The following ACVR1 variants were observed in gnomAD, a reference collection of about 807,000 sequenced individuals.
ACVR1 encodes the protein activin receptor type-1.
In ACVR1, 38 loss-of-function variants were observed where a neutral mutation model predicts 57.1. That is an observed-to-expected ratio of 0.67 (90% confidence interval 0.51 to 0.87). The LOEUF is 0.87. Among genes scored for constraint, ACVR1 ranks in the 40% least tolerant of loss-of-function variants. The pLI is 0.00. For missense variants in ACVR1, 463 were observed against 638.2 expected (o/e 0.73, Z 2.96); for synonymous variants, 212 against 228.1 (o/e 0.93, Z 0.63).
chr2:157,738,179 G>A (rs929477285), intron 10 of ACVR1, among the ~76,000 whole-genome samples: 7 of 152,142 alleles, frequency 4.6e-5, no homozygotes, highest in Non-Finnish European at 1.0e-4. Flanking sequence ...TGAGTCTCCC[G>A]ATTCCTGAAG....
chr2:157,777,885 G>C (rs921338031), intron 5 of ACVR1, among the ~76,000 whole-genome samples: 8 of 152,150 alleles, frequency 5.3e-5, no homozygotes, highest in African/African-American at 1.9e-4. Flanking sequence ...TCAGAGAAAA[G>C]TAACTAACTA....
chr2:157,776,723 T>A (rs2105275670), intron 5 of ACVR1, among the ~76,000 whole-genome samples: 1 of 152,314 alleles, frequency 6.6e-6, no homozygotes, highest in African/African-American at 2.4e-5. Flanking sequence ...ATTGTCCAGG[T>A]GTAGCATCTG....
At chr2:157,861,811 T>C (rs1558853130) in intron 1 of ACVR1, among the ~76,000 whole-genome samples, 1 of 152,240 alleles carries the variant, frequency 6.6e-6, no homozygotes, top group African/African-American at 2.4e-5. Context: ...TACACACTTG[T>C]AGCAGATCTA....
chr2:157,854,873 C>A (rs1050111490), intron 1 of ACVR1, among the ~76,000 whole-genome samples: 1 of 151,530 alleles, frequency 6.6e-6, no homozygotes, highest in South Asian at 2.1e-4. Context: ...ACCCCAACTC[C>A]ACTAAAAATA....
intron 1 of ACVR1, among the ~76,000 whole-genome samples, chr2:157,834,625 C>A (rs528718170): frequency 1.2e-4 from 19 of 152,050 alleles, no homozygotes; most frequent in Non-Finnish European, 2.4e-4. Flanking sequence ...AGTATGAATT[C>A]ATGCAGATGT....
chr2:157,828,115 G>A (rs1688453329), intron 1 of ACVR1, among the ~76,000 whole-genome samples: 1 of 151,908 alleles, frequency 6.6e-6, no homozygotes, highest in Admixed American at 6.5e-5. Context: ...TTGAGCCCAG[G>A]AATTTTCTGG....
chr2:157,859,517 C>A (rs1300067162), intron 1 of ACVR1, among the ~76,000 whole-genome samples: 1 of 152,154 alleles, frequency 6.6e-6, no homozygotes, highest in East Asian at 1.9e-4. Flanking sequence ...CCAATTTTTT[C>A]TTGCGCGAGT....
At chr2:157,757,045 A>T (rs11898912) in intron 9 of ACVR1, among the ~76,000 whole-genome samples, 15,550 of 98,026 alleles carry the variant, frequency 0.16, 1,389 homozygotes, top group African/African-American at 0.38. Context: ...TATATATATA[A>T]AATAGAATAC....
chr2:157,777,799 TAG>T (rs1408241955), intron 5 of ACVR1, among the ~76,000 whole-genome samples: 1 of 152,188 alleles, frequency 6.6e-6, no homozygotes, highest in Non-Finnish European at 1.5e-5. Context: ...TGGCTAAAAA[TAG>T]AGTAACTGAA....
intron 1 of ACVR1, among the ~76,000 whole-genome samples, chr2:157,841,423 G>C (rs1688970159): frequency 6.6e-6 from 1 of 152,218 alleles, no homozygotes; most frequent in African/African-American, 2.4e-5. Flanking sequence ...AGGAGCAAAG[G>C]AAGACCAAGA....
At chr2:157,808,892 A>AC (rs1259393063) in intron 2 of ACVR1, among the ~76,000 whole-genome samples, 6 of 151,794 alleles carry the variant, frequency 4.0e-5, no homozygotes, top group Admixed American at 6.6e-5. Flanking sequence ...AAAAAAAAAA[A>AC]AAAACAGAAA....
chr2:157,766,269 A>G, intron 7 of ACVR1, 73 bp from the exon 8 acceptor site: 1 of 1,469,652 alleles, frequency 6.8e-7, no homozygotes. Flanking sequence ...AGAAATAGCG[A>G]CCTACACAGT....
chr2:157,761,154 C>A, intron 8 of ACVR1, 77 bp from the exon 9 acceptor site: 1 of 1,485,268 alleles, frequency 6.7e-7, no homozygotes, highest in East Asian at 2.4e-5. Flanking sequence ...TTAAACCAAC[C>A]CCAATCAAAA....
At chr2:157,822,612 T>C (rs954365186) in intron 1 of ACVR1, among the ~76,000 whole-genome samples, 5 of 152,230 alleles carry the variant, frequency 3.3e-5, no homozygotes, top group African/African-American at 4.8e-5. Flanking sequence ...AATTGTAGCA[T>C]AGCAAATACT....
At chr2:157,781,852 A>G (rs1426082228) in intron 3 of ACVR1, among the ~76,000 whole-genome samples, 2 of 152,218 alleles carry the variant, frequency 1.3e-5, no homozygotes. Context: ...GTAAACAGCC[A>G]AGTCCTAGAG....
chr2:157,871,774 A>C (rs1440584969), intron 1 of ACVR1, among the ~76,000 whole-genome samples: 2 of 152,238 alleles, frequency 1.3e-5, no homozygotes, highest in Non-Finnish European at 2.9e-5. Context: ...GTTAGTTTGA[A>C]TATTAGGGGC....
At chr2:157,742,731 C>T (rs928636451) in intron 9 of ACVR1, among the ~76,000 whole-genome samples, 1 of 152,162 alleles carries the variant, frequency 6.6e-6, no homozygotes, top group Non-Finnish European at 1.5e-5. Context: ...TAGACATGCA[C>T]TTTGAAAAGC....
At chr2:157,859,927 A>G (rs1237702732) in intron 1 of ACVR1, 2 of 152,130 alleles carry the variant, frequency 1.3e-5, no homozygotes, top group African/African-American at 4.8e-5. Flanking sequence ...GCATCTCAAG[A>G]CTACATTTCC....
At chr2:157,808,076 AC>A (rs1687625396) in intron 2 of ACVR1, among the ~76,000 whole-genome samples, 1 of 151,786 alleles carries the variant, frequency 6.6e-6, no homozygotes, top group Admixed American at 6.6e-5. Flanking sequence ...AGACCTTCTC[AC>A]CCACCCCCAT....
Sources: allele counts gnomAD v4.1 joint callset (sites outside exome capture counted in the v4.1 genomes callset), GRCh38; gene constraint gnomAD v4.1.1; transcripts MANE v1.5; gene names NCBI Gene and HGNC (gene_info 2026-07-23, HGNC 2026-07-21).